BCL2: variants seen among roughly 807,000 people sequenced by gnomAD.
BCL2 encodes the protein apoptosis regulator Bcl-2.
A neutral mutation model predicts 14.2 loss-of-function variants in BCL2; 1 was observed. That is an observed-to-expected ratio of 0.07 (90% CI 0.02 to 0.33). BCL2 has a LOEUF of 0.33. Ranked by LOEUF, BCL2 falls within the 10% of genes least tolerant of loss-of-function variation. The pLI, the probability that BCL2 is intolerant of heterozygous loss-of-function variation, is 0.99. For missense variants in BCL2, 247 were observed against 305.9 expected, an observed-to-expected ratio of 0.81 and a Z score of 1.44; for synonymous variants, 151 against 137.2, an observed-to-expected ratio of 1.10 and a Z score of -0.70.
chr18:63,211,798 C>T (rs145187837), intron 2 of BCL2, among the ~76,000 whole-genome samples: 141 of 152,344 alleles, frequency 9.3e-4, no homozygotes, highest in African/African-American at 3.1e-3. Flanking sequence ...GCAGAGGAGC[C>T]ATGCCACGCA....
At chr18:63,179,250 GCTGGAGTGGAGGGAAAAGAAAAGGTGT>G (rs1915423961) in intron 2 of BCL2, among the ~76,000 whole-genome samples, 1 of 152,232 alleles carries the variant, frequency 6.6e-6, no homozygotes, top group Admixed American at 6.5e-5. Context: ...CAGTAAGGCT[GCTGGAGTGGAGGGAAAAGAAAAGGTGT>G]CTGAGTTCTC....
At chr18:63,170,740 G>T (rs1025540497) in intron 2 of BCL2, among the ~76,000 whole-genome samples, 1 of 152,102 alleles carries the variant, frequency 6.6e-6, no homozygotes, top group Non-Finnish European at 1.5e-5. Context: ...TCATTCAGTC[G>T]TACTTCTATT....
At chr18:63,239,739 CAA>C (rs113619764) in intron 2 of BCL2, among the ~76,000 whole-genome samples, 18 of 120,426 alleles carry the variant, frequency 1.5e-4, no homozygotes, top group East Asian at 4.7e-4. Flanking sequence ...GACTCTGTCT[CAA>C]AAAAAAAAAA....
rs779096658 is a variant in BCL2 at position 63,318,534 on chromosome 18, C to G, written c.133G>C (p.Ala45Pro). Residue 45 changes from alanine to proline, a missense_variant, in exon 2 of 3, where the codon GCA (alanine) becomes CCA (proline). Physicochemically the swap from Ala to Pro is conservative, Grantham distance 27. This residue lies in a region of BCL2 where 144 missense variants were observed against 135.3 expected (regional missense o/e 1.06). Coordinates refer to ENST00000333681, the MANE Select transcript of BCL2 (RefSeq NM_000633.3). The surrounding 1 kb of genome is among the most constrained non-coding windows in gnomAD (Gnocchi z 7.4). ...VGAAPPGAAPAPGIFSSQPGH... is the reference protein window; with the variant it reads ...VGAAPPGAAPPPGIFSSQPGH... ...GGCTGGGAGGAGAAGATGCCCGGTGCGGGGGCGGCCCCCGGGGGCGCGGCG... is the reference window on the plus strand; with the variant it reads ...GGCTGGGAGGAGAAGATGCCCGGTGGGGGGGCGGCCCCCGGGGGCGCGGCG... The G allele has an allele frequency of 1.3e-6, 2 of 1,582,448 alleles. No individual in the cohort carries two copies. The highest frequency in any genetic ancestry group is 4.8e-5 in the East Asian group (2 of 41,806).
In BCL2 at chr18:63,149,294, T is replaced by G. The variant is rs145242758; in HGVS notation, c.586-20535A>C. On this transcript the variant is annotated intron_variant, in intron 2 of 2. Coordinates refer to ENST00000333681, the MANE Select transcript of BCL2 (RefSeq NM_000633.3). The surrounding 1 kb of genome is among the most constrained non-coding windows in gnomAD (Gnocchi z 4.2). The stretch of plus-strand genomic sequence containing the variant: ...AGGAGCACACAACCTAGATCCCTTG[T>G]GGGCACAGTTCACAATAGGGTTTGC... Among the ~76,000 whole-genome samples the G allele has an allele frequency of 0.013, 1,922 of 152,310 alleles. 47 individuals are homozygous for G. Among genetic ancestry groups the G allele is most frequent in the African/African-American group, 0.044 (1,835 of 41,564 alleles).
At chr18:63,154,146 C>T (rs530839632) in intron 2 of BCL2, among the ~76,000 whole-genome samples, 1 of 152,294 alleles carries the variant, frequency 6.6e-6, no homozygotes, top group South Asian at 2.1e-4. Flanking sequence ...AGCCCTCAGC[C>T]TATATCCTAG....
intron 2 of BCL2, among the ~76,000 whole-genome samples, chr18:63,278,288 G>A (rs1474417344): frequency 6.6e-6 from 1 of 152,186 alleles, no homozygotes; most frequent in Non-Finnish European, 1.5e-5. Flanking sequence ...TACACTTGAG[G>A]AAAAGAAAAT....
intron 2 of BCL2, among the ~76,000 whole-genome samples, chr18:63,189,384 G>C (rs1337491578): frequency 6.6e-6 from 1 of 152,074 alleles, no homozygotes; most frequent in Non-Finnish European, 1.5e-5. Context: ...TTGTTGCTTA[G>C]TCTGAAACCA....
In BCL2 at chr18:63,128,174, G is replaced by C; in HGVS notation, c.*451C>G. 8.6e-6 allele frequency: 2 copies of C among 232,728 alleles called. No individual in the cohort carries two copies. The highest frequency in any genetic ancestry group is 1.2e-4 in the East Asian group (2 of 16,532). 14.4% of individuals were successfully genotyped at this position (232,728 alleles called of 1,614,324 possible). A position where few individuals can be genotyped will look rare whatever the true frequency, so the allele number is the denominator to read the frequency against. ...CCTTCTCCCCAGCCTCCAGCAGCCA[G>C]AAAGCCAGCTTCCCCAATGATCAGG... is the stretch of plus-strand genomic sequence containing the variant. On this transcript the variant is annotated 3_prime_UTR_variant, in exon 3 of 3. Transcript: ENST00000333681.
chr18:63,253,339 G>T (rs1017574215), intron 2 of BCL2, among the ~76,000 whole-genome samples: 2 of 152,226 alleles, frequency 1.3e-5, no homozygotes, highest in African/African-American at 4.8e-5. Flanking sequence ...TACGAAGTCT[G>T]CTGTACTTAC....
At chr18:63,253,988 T>C (rs915258431) in intron 2 of BCL2, among the ~76,000 whole-genome samples, 44 of 152,040 alleles carry the variant, frequency 2.9e-4, no homozygotes, top group African/African-American at 9.4e-4. Flanking sequence ...TTTACGTTCT[T>C]GAAATACATA....
intron 2 of BCL2, chr18:63,315,937 A>G (rs1053972616): frequency 2.6e-5 from 4 of 152,500 alleles, no homozygotes; most frequent in Admixed American, 6.5e-5. Context: ...AAGCTATTAC[A>G]TATTTTACCA....
intron 2 of BCL2, among the ~76,000 whole-genome samples, chr18:63,176,965 G>C (rs1342277507): frequency 6.7e-6 from 1 of 148,950 alleles, no homozygotes; most frequent in African/African-American, 2.5e-5. Flanking sequence ...CTTCTGGGCT[G>C]GAGTGCAGTG....
intron 2 of BCL2, among the ~76,000 whole-genome samples, chr18:63,313,002 T>G (rs1913380950): frequency 1.3e-5 from 2 of 152,230 alleles, no homozygotes; most frequent in African/African-American, 4.8e-5. Flanking sequence ...ATTTTGGCCC[T>G]GTTTAAATTA....
At chr18:63,245,599 G>C (rs1266514855) in intron 2 of BCL2, among the ~76,000 whole-genome samples, 1 of 152,210 alleles carries the variant, frequency 6.6e-6, no homozygotes, top group East Asian at 1.9e-4. Context: ...CATGGGGTGA[G>C]ATACACACAC....
chr18:63,297,286 A>G (rs1912825367), intron 2 of BCL2, among the ~76,000 whole-genome samples: 1 of 152,258 alleles, frequency 6.6e-6, no homozygotes, highest in Non-Finnish European at 1.5e-5. Context: ...CACGTTTAGT[A>G]TATTTTATTA....
chr18:63,195,309 C>T (rs1433686491), intron 2 of BCL2, among the ~76,000 whole-genome samples: 1 of 152,226 alleles, frequency 6.6e-6, no homozygotes, highest in East Asian at 1.9e-4. Context: ...AAGTCCCATG[C>T]CTGGACTGTG....
chr18:63,195,737 T>C (rs1269129767), intron 2 of BCL2, among the ~76,000 whole-genome samples: 1 of 152,210 alleles, frequency 6.6e-6, no homozygotes, highest in Non-Finnish European at 1.5e-5. Flanking sequence ...GTTTGTATTG[T>C]AGGCTTTTAA....
chr18:63,280,355 T>A (rs1024052498), intron 2 of BCL2, among the ~76,000 whole-genome samples: 2 of 152,166 alleles, frequency 1.3e-5, no homozygotes, highest in Non-Finnish European at 2.9e-5. Flanking sequence ...TGAATTAAGA[T>A]CCTATATATA....
Sources: allele counts gnomAD v4.1 joint callset (sites outside exome capture counted in the v4.1 genomes callset), GRCh38; gene constraint gnomAD v4.1.1; regional missense constraint gnomAD v4.1.1; non-coding constraint Gnocchi (gnomAD v3.1); transcripts MANE v1.5; gene names NCBI Gene and HGNC (gene_info 2026-07-23, HGNC 2026-07-21).